Variants in SRMS observed in about 807,000 individuals in gnomAD.
SRMS encodes the protein tyrosine-protein kinase Srms.
SRMS carries 42 observed loss-of-function variants against 43.5 expected under a neutral mutation model. That is an observed-to-expected ratio of 0.97 (90% CI 0.75 to 1.25). SRMS has a LOEUF of 1.25. SRMS is among the 50% of genes most tolerant of loss of function. The pLI is 0.00. For missense variants in SRMS, 703 were observed against 681.0 expected, an observed-to-expected ratio of 1.03 and a Z score of -0.36; for synonymous variants, 316 against 308.2, an observed-to-expected ratio of 1.03 and a Z score of -0.27.
chr20:63,540,954 C>T lies in SRMS; in HGVS notation c.1331G>A (p.Arg444Gln), dbSNP rs889524133. 9 of 1,607,972 alleles carry T rather than the reference C, an allele frequency of 5.6e-6. No individual in the cohort carries two copies. The highest frequency in any genetic ancestry group is 2.2e-5 in the South Asian group (2 of 90,994). ...ETLQQIMRGYRLPRPAACPAE... is the reference protein window; with the variant it reads ...ETLQQIMRGYQLPRPAACPAE... The stretch of plus-strand genomic sequence containing the variant: ...CGGGCAGGCAGCCGGGCGCGGCAGC[C>T]GGTACCCTCGCATGATCTGCTGCAG... The change falls in exon 8 of 8, where the codon CGG becomes CAG. Residue 444 changes from arginine (R) to glutamine (Q), a missense_variant. Transcript: ENST00000217188.
Position 63,539,796 on chromosome 20 carries a change from G to A in SRMS, c.*1022C>T, listed in dbSNP as rs570452524. On this transcript the variant is annotated 3_prime_UTR_variant, in exon 8 of 8. Transcript: ENST00000217188. ...GGCATCTACCTCCGAGCCCCCAACC[G>A]ACCCTGCCTGACCCTGCACAGGCAG... is the stretch of plus-strand genomic sequence containing the variant. Among the ~76,000 whole-genome samples the A allele has an allele frequency of 9.2e-5, 14 of 151,938 alleles. No homozygotes were observed. The South Asian group carries it at 1.5e-3, about 16-fold the overall frequency.
At chr20:63,542,779 C>G (rs914209334) in intron 3 of SRMS, among the ~76,000 whole-genome samples, 198 bp from the exon 4 acceptor site, 1 of 152,184 alleles carries the variant, frequency 6.6e-6, no homozygotes, top group African/African-American at 2.4e-5. Flanking sequence ...CTCTGGGGGC[C>G]TAAGTGGCAC....
Position 63,547,158 on chromosome 20 carries a change from C to G in SRMS, c.306G>C (p.Val102=). Residue 102 remains valine, a synonymous_variant, in exon 1 of 8, where the codon GTG becomes GTC. Transcript: ENST00000217188. The part of the protein sequence containing the change: ...RLSGQPSAGL[V]PITHVAKASP... ...AAGCCTTGGCCACGTGGGTGATGGG[C>G]ACGAGCCCGGCGCTGGGCTGGCCCG... 5 of 1,609,370 alleles carry G rather than the reference C, an allele frequency of 3.1e-6. No individual in the cohort carries two copies. Among genetic ancestry groups the G allele is most frequent in the Non-Finnish European group, 4.2e-6 (5 of 1,177,964 alleles).
At chr20:63,543,015 TC>T (rs1259166504) in intron 3 of SRMS, among the ~76,000 whole-genome samples, 2 of 151,938 alleles carry the variant, frequency 1.3e-5, no homozygotes, top group Non-Finnish European at 2.9e-5. Context: ...TTGAGTGCCT[TC>T]CCCAAACTGG....
intron 1 of SRMS, among the ~76,000 whole-genome samples, chr20:63,546,491 G>A (rs2082731594): frequency 6.6e-6 from 1 of 151,852 alleles, no homozygotes; most frequent in South Asian, 2.1e-4. Flanking sequence ...CCCTCACCCA[G>A]AGCTCCTGGA....
In SRMS at chr20:63,547,489, G is replaced by A. The variant is rs1205888724; in HGVS notation, c.-26C>T. ...CCCCCGGGGTCACCACGCTGGGCCC[G>A]AGGGCCATGGGAGCCCGCGAGCCCG... On this transcript the variant is annotated 5_prime_UTR_variant, in exon 1 of 8. Transcript: ENST00000217188. The A allele has an allele frequency of 8.9e-6, 13 of 1,454,464 alleles. No homozygotes were observed. In the East Asian group the frequency reaches 2.1e-4, roughly 23 times the overall value. The allele number at this position is 1,454,464 out of a possible 1,614,324, so 90.1% of individuals were successfully genotyped here. A position where few individuals can be genotyped will look rare whatever the true frequency, so the allele number is the denominator to read the frequency against.
In SRMS at chr20:63,539,191, G is replaced by C. The variant is rs532253422; in HGVS notation, c.*1627C>G. On this transcript the variant is annotated 3_prime_UTR_variant, in exon 8 of 8. Transcript: ENST00000217188. Reference sequence around the variant, plus strand: ...AGGTGGCCAGGGTCCCAAAGGCTCAGATAAAGCCTCTTGCCTCCACCATCT... The same window carrying C: ...AGGTGGCCAGGGTCCCAAAGGCTCACATAAAGCCTCTTGCCTCCACCATCT... 6.6e-6 allele frequency among the ~76,000 whole-genome samples: 1 copy of C among 152,338 alleles called. No individual in the cohort carries two copies. The highest frequency in any genetic ancestry group is 6.5e-5 in the Admixed American group (1 of 15,304).
rs922841866 is a variant in SRMS at position 63,539,302 on chromosome 20, G to A, written c.*1516C>T. ...CCCAGGAAGCCCCCGCGCTGCCTCC[G>A]TTCTCGGAGCCTCCGAGTGGCCTCT... On this transcript the variant is annotated 3_prime_UTR_variant, in exon 8 of 8. Transcript: ENST00000217188. Among the ~76,000 whole-genome samples, 15 of 152,202 alleles carry A rather than the reference G, an allele frequency of 9.9e-5. No homozygotes were observed. Among genetic ancestry groups the A allele is most frequent in the Non-Finnish European group, 1.5e-4 (10 of 68,028 alleles).
In SRMS at chr20:63,540,686, G is replaced by A. The variant is rs991783764; in HGVS notation, c.*132C>T. ...ACGTCTGCCTGGTGCACGAACATGTGTGCACGCCAGGGCCTGAGGCCCACA... is the reference window on the plus strand; with the variant it reads ...ACGTCTGCCTGGTGCACGAACATGTATGCACGCCAGGGCCTGAGGCCCACA... On this transcript the variant is annotated 3_prime_UTR_variant, in exon 8 of 8. Transcript: ENST00000217188. The A allele has an allele frequency of 3.4e-6, 4 of 1,174,394 alleles. No individual in the cohort carries two copies. Among genetic ancestry groups the A allele is most frequent in the South Asian group, 1.5e-5 (1 of 65,048 alleles). The allele number at this position is 1,174,394 out of a possible 1,614,324, so 72.7% of individuals were successfully genotyped here.
chr20:63,543,588 T>C, intron 2 of SRMS, 108 bp from the exon 3 acceptor site: 2 of 1,319,576 alleles, frequency 1.5e-6, no homozygotes, highest in South Asian at 2.9e-5. Flanking sequence ...GGCTCAGACC[T>C]AGCTGGGGAC....
rs55838540 is a variant in SRMS at position 63,541,345 on chromosome 20, G to A, written c.1131C>T (p.Asp377=). ...AGCTGCTGCTCGGGGAGTAGATGTC[G>A]TCCTGGGGGCGAGGGAAGGCCCCTG... is the stretch of plus-strand genomic sequence containing the variant. The part of the protein sequence containing the change: ...ADFGLARLLK[D]DIYSPSSSSK... The change falls in exon 7 of 8, where the codon GAC becomes GAT. Residue 377 remains aspartate (D), a splice_region_variant and synonymous_variant. Coordinates refer to ENST00000217188, the MANE Select transcript of SRMS (RefSeq NM_080823.4). 4.7e-5 allele frequency: 72 copies of A among 1,542,598 alleles called. No individual in the cohort carries two copies. Among genetic ancestry groups the A allele is most frequent in the African/African-American group, 1.8e-4 (13 of 72,794 alleles).
Position 63,541,619 on chromosome 20 carries a change from G to A in SRMS, c.948C>T (p.Thr316=). The change falls in exon 6 of 8, where the codon ACC becomes ACT. Residue 316 remains threonine (T), a splice_region_variant and synonymous_variant. Transcript: ENST00000217188. ...GCAGACGCAGGGCCCGGCCCTCGGG[G>A]GCTGCAGGAGACAGCGCGGGGTCTT... The part of the protein sequence containing the change: ...RKGNLQAFLG[T]PEGRALRLPP... 1.3e-6 allele frequency: 2 copies of A among 1,538,078 alleles called. No individual in the cohort carries two copies. Among genetic ancestry groups the A allele is most frequent in the Non-Finnish European group, 1.7e-6 (2 of 1,147,488 alleles).
At position 63,542,574 on chromosome 20, in the gene SRMS, G is replaced by A. The variant is rs378483; in HGVS notation, c.653C>T (p.Pro218Leu). 102,758 of 1,609,558 alleles carry A rather than the reference G, an allele frequency of 0.064. 7,619 individuals are homozygous for A. The highest frequency in any genetic ancestry group is 0.39 in the African/African-American group (28,880 of 74,852). The change falls in exon 4 of 8, where the codon CCG (proline) becomes CTG (leucine). Residue 218 changes from proline to leucine, a missense_variant. Transcript: ENST00000217188. Reference sequence around the variant, plus strand: ...TGGCCGCTCCCACACGTCCTGCCTCGGGGCCTTCTGCAGGGAGGGTGGGCA... The same window carrying A: ...TGGCCGCTCCCACACGTCCTGCCTCAGGGCCTTCTGCAGGGAGGGTGGGCA... ...LLQPCMPQKA[P>L]RQDVWERPHS... is the part of the protein sequence containing the mutation.
Position 63,540,727 on chromosome 20 carries a change from G to A in SRMS, c.*91C>T. On this transcript the variant is annotated 3_prime_UTR_variant, in exon 8 of 8. Transcript: ENST00000217188. ...GAGGCCCACAGCCAGAGGCTCCTCG[G>A]TCCGGCAGACCGGCATCCCTTCGAG... The A allele has an allele frequency of 6.8e-7, 1 of 1,467,942 alleles. No homozygotes were observed. Among genetic ancestry groups the A allele is most frequent in the Non-Finnish European group, 9.1e-7 (1 of 1,103,132 alleles). 90.9% of individuals were successfully genotyped at this position (1,467,942 alleles called of 1,614,324 possible). A position where few individuals can be genotyped will look rare whatever the true frequency, so the allele number is the denominator to read the frequency against.
chr20:63,544,424 G>A (rs1035270114), intron 1 of SRMS, 76 bp from the exon 2 acceptor site: 25 of 1,389,994 alleles, frequency 1.8e-5, no homozygotes, highest in African/African-American at 4.6e-5. Flanking sequence ...CCGTGTTGCC[G>A]GCAGGGCTGA....
chr20:63,544,356 C>G lies in SRMS; in HGVS notation c.357-8G>C. On this transcript the variant is annotated splice_region_variant and splice_polypyrimidine_tract_variant and intron_variant, in intron 1 of 7. Coordinates refer to ENST00000217188, the MANE Select transcript of SRMS (RefSeq NM_080823.4). The stretch of plus-strand genomic sequence containing the variant: ...ACCCCGCTAAAGTACCAGCTGCAAA[C>G]AGCAGGTGCGGCAGTCACCTTGCAG... The G allele has an allele frequency of 6.8e-7, 1 of 1,466,702 alleles. No homozygotes were observed. The highest frequency in any genetic ancestry group is 2.9e-5 in the East Asian group (1 of 34,820). 90.9% of individuals were successfully genotyped at this position (1,466,702 alleles called of 1,614,324 possible). A position where few individuals can be genotyped will look rare whatever the true frequency, so the allele number is the denominator to read the frequency against.
rs1263833096 is a variant in SRMS, at chr20:63,538,983, G to A, written c.*1835C>T. On this transcript the variant is annotated 3_prime_UTR_variant, in exon 8 of 8. Coordinates refer to ENST00000217188, the MANE Select transcript of SRMS (RefSeq NM_080823.4). ...GGGCACAGGTGCCACAGACACACCTGGTCCCCTTAATCCCAGTGGCGGCTG... is the reference window on the plus strand; with the variant it reads ...GGGCACAGGTGCCACAGACACACCTAGTCCCCTTAATCCCAGTGGCGGCTG... Among the ~76,000 whole-genome samples the A allele has an allele frequency of 6.6e-6, 1 of 152,136 alleles. No individual in the cohort carries two copies. The highest frequency in any genetic ancestry group is 2.4e-5 in the African/African-American group (1 of 41,426).
chr20:63,542,616 TG>T (rs779917432), intron 3 of SRMS, 35 bp from the exon 4 acceptor site: 2 of 1,579,670 alleles, frequency 1.3e-6, no homozygotes, highest in Non-Finnish European at 1.7e-6. Context: ...CTGGTCAGCG[TG>T]GGCCCCTGTG....
intron 1 of SRMS, among the ~76,000 whole-genome samples, chr20:63,545,465 G>A (rs551543661): frequency 5.9e-5 from 9 of 152,316 alleles, no homozygotes; most frequent in African/African-American, 1.7e-4. Flanking sequence ...CCTGGGAAGC[G>A]GGACTAGGAG....
Sources: allele counts gnomAD v4.1 joint callset (sites outside exome capture counted in the v4.1 genomes callset), GRCh38; gene constraint gnomAD v4.1.1; transcripts MANE v1.5; gene names NCBI Gene and HGNC (gene_info 2026-07-23, HGNC 2026-07-21).